ATP8B1: variants seen among roughly 807,000 people sequenced by gnomAD.
ATP8B1 encodes phospholipid-transporting ATPase IC.
A neutral mutation model predicts 149.9 loss-of-function variants in ATP8B1; 80 were observed. The observed-to-expected ratio is 0.53, with a 90% CI of 0.45 to 0.64. The LOEUF is 0.64. ATP8B1 is among the 30% of genes least tolerant of loss of function. The pLI is 0.00. For synonymous variants in ATP8B1, 536 were observed against 562.8 expected (o/e 0.95, Z 0.67); for missense variants, 1,247 against 1,552.6 (o/e 0.80, Z 3.31).
At chr18:57,801,107 A>C (rs2080569014) in intron 1 of ATP8B1, among the ~76,000 whole-genome samples, 1 of 152,234 alleles carries the variant, frequency 6.6e-6, no homozygotes, top group Admixed American at 6.5e-5. Flanking sequence ...TAACATGTGC[A>C]CACAGGTGTG....
chr18:57,801,630 C>G (rs1383070415), intron 1 of ATP8B1, among the ~76,000 whole-genome samples: 2 of 151,978 alleles, frequency 1.3e-5, no homozygotes, highest in Non-Finnish European at 2.9e-5. Flanking sequence ...CTTTATCACG[C>G]GTGGTTTTTT....
intron 1 of ATP8B1, among the ~76,000 whole-genome samples, chr18:57,798,048 C>G (rs1394574117): frequency 6.6e-6 from 1 of 152,100 alleles, no homozygotes; most frequent in African/African-American, 2.4e-5. Flanking sequence ...CTCAGGCCCT[C>G]TGTGAACCCC....
intron 12 of ATP8B1, among the ~76,000 whole-genome samples, chr18:57,690,262 G>A (rs1036705336): frequency 1.3e-5 from 2 of 152,146 alleles, no homozygotes; most frequent in African/African-American, 2.4e-5. Context: ...GAATATCAAG[G>A]GGCCAGAGTG....
chr18:57,772,610 A>G (rs1301063744), intron 1 of ATP8B1, among the ~76,000 whole-genome samples: 1 of 152,068 alleles, frequency 6.6e-6, no homozygotes, highest in Non-Finnish European at 1.5e-5. Flanking sequence ...GAGTTCTCCC[A>G]TGCATTGAGT....
intron 1 of ATP8B1, among the ~76,000 whole-genome samples, chr18:57,785,849 A>G (rs2080402762): frequency 6.6e-6 from 1 of 152,210 alleles, no homozygotes; most frequent in Non-Finnish European, 1.5e-5. Flanking sequence ...TAAGTTATGA[A>G]GTCCAAGAAA....
rs188876057 is a variant in ATP8B1 at position 57,790,942 on chromosome 18, G to A, written c.-26+12056C>T. On this transcript the variant is annotated intron_variant, in intron 1 of 27. Transcript: ENST00000648908. ...TCACCATGTTGGCCAGGCTGGTGTC[G>A]AGCTCCTGACCTTAGGCAATTTGTC... 3.2e-4 allele frequency among the ~76,000 whole-genome samples: 48 copies of A among 152,186 alleles called. 1 individual carries two copies. The highest frequency in any genetic ancestry group is 2.6e-3 in the Admixed American group (39 of 15,280).
In ATP8B1 at chr18:57,801,768, A is replaced by C. The variant is rs565128578; in HGVS notation, c.-26+1230T>G. Among the ~76,000 whole-genome samples, 10 of 152,252 alleles carry C rather than the reference A, an allele frequency of 6.6e-5. No individual in the cohort carries two copies. In the South Asian group the frequency reaches 2.1e-3, roughly 32 times the overall value. On this transcript the variant is annotated intron_variant, in intron 1 of 27. Coordinates refer to ENST00000648908, the MANE Select transcript of ATP8B1 (RefSeq NM_001374385.1). ...GGGTAGTGGCAAAATTTTGAAGGCA[A>C]TGCAACCAGGAAGATGGGAGCGAAT...
intron 2 of ATP8B1, among the ~76,000 whole-genome samples, chr18:57,713,782 G>T (rs36173382): frequency 0.15 from 22,252 of 148,324 alleles, 2,529 homozygotes; most frequent in East Asian, 0.46. Flanking sequence ...GAGCCACCGC[G>T]CCCGGCCTAA....
intron 15 of ATP8B1, among the ~76,000 whole-genome samples, chr18:57,681,160 C>T (rs909884758): frequency 6.6e-6 from 1 of 152,054 alleles, no homozygotes; most frequent in Non-Finnish European, 1.5e-5. Flanking sequence ...GAAAAAGGTT[C>T]AATTTAAGGG....
At chr18:57,678,597 A>C (rs1911745939) in intron 15 of ATP8B1, among the ~76,000 whole-genome samples, 2 of 133,898 alleles carry the variant, frequency 1.5e-5, no homozygotes, top group Admixed American at 1.5e-4. Context: ...AAAAAAAAAA[A>C]AAGAAGAGAA....
chr18:57,719,494 G>A (rs955702174), intron 2 of ATP8B1, among the ~76,000 whole-genome samples: 1 of 152,162 alleles, frequency 6.6e-6, no homozygotes, highest in Admixed American at 6.5e-5. Context: ...AAAGAAAGGG[G>A]TGACGGACGC....
At chr18:57,730,794 A>T (rs1369101839) in intron 2 of ATP8B1, among the ~76,000 whole-genome samples, 1 of 150,118 alleles carries the variant, frequency 6.7e-6, no homozygotes, top group Non-Finnish European at 1.5e-5. Context: ...CCCTGGGCAG[A>T]CCATATACAT....
chr18:57,751,069 G>C (rs2080012815), intron 1 of ATP8B1, among the ~76,000 whole-genome samples: 1 of 152,150 alleles, frequency 6.6e-6, no homozygotes, highest in Non-Finnish European at 1.5e-5. Context: ...GTTGCAGTGA[G>C]GAGAGACTGT....
intron 2 of ATP8B1, among the ~76,000 whole-genome samples, chr18:57,715,136 A>G (rs1317985612): frequency 6.6e-6 from 1 of 152,222 alleles, no homozygotes; most frequent in Non-Finnish European, 1.5e-5. Context: ...GAAAAAGTTT[A>G]GAATTCTATC....
chr18:57,722,154 C>A (rs868821763), intron 2 of ATP8B1, among the ~76,000 whole-genome samples: 8 of 148,812 alleles, frequency 5.4e-5, no homozygotes, highest in South Asian at 4.4e-4. Context: ...AGGAAAGATC[C>A]AAAATTGACA....
intron 1 of ATP8B1, among the ~76,000 whole-genome samples, chr18:57,783,908 C>T (rs906073239): frequency 3.9e-5 from 6 of 152,046 alleles, no homozygotes; most frequent in Admixed American, 2.6e-4. Context: ...TACCATACAT[C>T]GAAGGGCGCA....
intron 15 of ATP8B1, 89 bp from the exon 16 acceptor site, chr18:57,675,111 G>T (rs1911515920): frequency 1.4e-6 from 2 of 1,387,618 alleles, no homozygotes; most frequent in Non-Finnish European, 2.0e-6. Flanking sequence ...TCCTGTGGGG[G>T]TCAGATGGGC....
At chr18:57,684,971 G>A in intron 14 of ATP8B1, 101 bp downstream of exon 14, 1 of 1,427,616 alleles carries the variant, frequency 7.0e-7, no homozygotes, top group Non-Finnish European at 9.9e-7. Flanking sequence ...CAGGGAAGAG[G>A]CAACGAAAGA....
rs1473104165 is a variant in ATP8B1, at chr18:57,654,064, C to G, written c.2943G>C (p.Glu981Asp). The G allele has an allele frequency of 3.1e-6, 5 of 1,613,800 alleles. No individual in the cohort carries two copies. Among genetic ancestry groups the G allele is most frequent in the Non-Finnish European group, 4.2e-6 (5 of 1,179,828 alleles). Residue 981 changes from glutamate to aspartate, a missense_variant, in exon 24 of 28, where the codon GAG becomes GAC. Glu to Asp is a conservative substitution (Grantham distance 45). This residue lies in a region of ATP8B1 where 230 missense variants were observed against 356.6 expected (regional missense o/e 0.65). Transcript: ENST00000648908. ...FNGYSAQTAY[E>D]DWFITLYNVL... ...CGTTGTAGAGGGTGATGAACCAATC[C>G]TCGTATGCAGTCTGTGAGGGGATGA...
Sources: gnomAD v4.1 joint callset for allele counts (sites outside exome capture counted in the v4.1 genomes callset) on GRCh38, gnomAD v4.1.1 for gene constraint, gnomAD v4.1.1 regional missense constraint, MANE v1.5 for transcripts, NCBI Gene and HGNC (gene_info 2026-07-23, HGNC 2026-07-21) for gene names.